Variants in DEF8 observed in about 807,000 individuals in gnomAD.
DEF8 encodes differentially expressed in FDCP 8 homolog.
A neutral mutation model predicts 59.1 loss-of-function variants in DEF8; 38 were observed. The observed-to-expected ratio is 0.64, with a 90% CI of 0.50 to 0.84. DEF8 has a LOEUF of 0.84. DEF8 is among the 40% of genes least tolerant of loss of function. DEF8 has a pLI of 0.00. For missense variants in DEF8, 557 were observed against 615.2 expected, an observed-to-expected ratio of 0.91 and a Z score of 1.00; for synonymous variants, 265 against 250.1, an observed-to-expected ratio of 1.06 and a Z score of -0.56.
At chr16:89,949,761 G>A in intron 2 of DEF8, 1 of 950,510 alleles carries the variant, frequency 1.1e-6, no homozygotes, top group Non-Finnish European at 1.5e-6. Flanking sequence ...GAGAGCAGTG[G>A]GCTCTAGAGG....
At chr16:89,962,972 C>T (rs541600093) in intron 9 of DEF8, among the ~76,000 whole-genome samples, 7 of 152,360 alleles carry the variant, frequency 4.6e-5, no homozygotes, top group African/African-American at 1.4e-4. Context: ...TGGCGTCTCA[C>T]GCCAGGTAGT....
rs780782184 is a variant in DEF8 at position 89,949,439 on chromosome 16, G to A, written c.-85G>A. On this transcript the variant is annotated 5_prime_UTR_variant, in exon 2 of 13. Coordinates refer to ENST00000563594, the MANE Select transcript of DEF8 (RefSeq NM_001242818.2). The stretch of plus-strand genomic sequence containing the variant: ...CAGCAGGTGCCGAACCCACGGCCAG[G>A]CTTCCGTGGCCAGCAGCCCTAGAGG... 6 of 1,608,300 alleles carry A rather than the reference G, an allele frequency of 3.7e-6. No individual in the cohort carries two copies. The highest frequency in any genetic ancestry group is 2.2e-5 in the East Asian group (1 of 44,796).
At chr16:89,955,522 GT>G (rs1335861391) in intron 4 of DEF8, among the ~76,000 whole-genome samples, 1 of 152,188 alleles carries the variant, frequency 6.6e-6, no homozygotes, top group Non-Finnish European at 1.5e-5. Context: ...TGGGATTGGG[GT>G]TCATGAACCT....
intron 2 of DEF8, chr16:89,950,231 A>G (rs2031754871): frequency 3.0e-6 from 3 of 985,944 alleles, no homozygotes; most frequent in Non-Finnish European, 3.6e-6. Context: ...GCTGGTCACC[A>G]TATGTGATGA....
chr16:89,954,348 G>A lies in DEF8; in HGVS notation c.96G>A (p.Gly32=). Residue 32 remains glycine (G), a synonymous_variant, in exon 3 of 13, where the codon GGG becomes GGA. Coordinates refer to ENST00000563594, the MANE Select transcript of DEF8 (RefSeq NM_001242818.2). This position sits in a 1 kb window ranked among gnomAD's most constrained non-coding sequence, Gnocchi z 4.3. ...SGPRQHEQGP[G]EEVPDVTPEE... ...CGAGACAGCATGAGCAGGGCCCTGG[G>A]GAGGAGGTCCCGGACGTCACTCCTG... 1.9e-6 allele frequency: 3 copies of A among 1,613,880 alleles called. No individual in the cohort carries two copies. The highest frequency in any genetic ancestry group is 2.5e-6 in the Non-Finnish European group (3 of 1,179,956).
At position 89,955,222 on chromosome 16, in the gene DEF8, G is replaced by T; in HGVS notation, c.178G>T (p.Val60Leu). 1 of 1,613,838 alleles carries T rather than the reference G, an allele frequency of 6.2e-7. No individual in the cohort carries two copies. The highest frequency in any genetic ancestry group is 8.5e-7 in the Non-Finnish European group (1 of 1,179,978). ...GEPEFRCPER[V>L]MDLGLSEDHF... ...GCCGGAATTCCGCTGCCCTGAACGC[G>T]TGATGGATCTCGGCCTGTCTGAGGA... is the stretch of plus-strand genomic sequence containing the variant. Residue 60 changes from valine (V) to leucine (L), a missense_variant, in exon 4 of 13, where the codon GTG (valine) becomes TTG (leucine). By Grantham distance (32) the Val-to-Leu change is conservative (BLOSUM62 1). Transcript: ENST00000563594.
chr16:89,960,095 G>A (rs947528785), intron 6 of DEF8, among the ~76,000 whole-genome samples: 7 of 152,110 alleles, frequency 4.6e-5, no homozygotes, highest in Admixed American at 6.5e-5. Context: ...GAGCCAGGTG[G>A]GGCTGCAGTT....
intron 2 of DEF8, among the ~76,000 whole-genome samples, chr16:89,953,539 T>C (rs1263608177): frequency 6.6e-6 from 1 of 152,122 alleles, no homozygotes; most frequent in Non-Finnish European, 1.5e-5. Context: ...CTGGTTCAGG[T>C]CGTGTTGCTC....
rs2033448277 is a variant in DEF8, at chr16:89,957,733, C to T, written c.372+73C>T. On this transcript the variant is annotated intron_variant, in intron 5 of 12. Coordinates refer to ENST00000563594, the MANE Select transcript of DEF8 (RefSeq NM_001242818.2). The stretch of plus-strand genomic sequence containing the variant: ...GAACTGTGGAACTAGGAGGACCCTG[C>T]CAGCCTCTGGCTCTCTCTCAGGCGG... 8 of 1,445,078 alleles carry T rather than the reference C, an allele frequency of 5.5e-6. No homozygotes were observed. In the South Asian group the frequency reaches 8.6e-5, roughly 16 times the overall value. 89.5% of individuals were successfully genotyped at this position (1,445,078 alleles called of 1,614,324 possible).
chr16:89,958,245 G>A (rs2033531829), intron 5 of DEF8: 1 of 152,464 alleles, frequency 6.6e-6, no homozygotes, highest in Admixed American at 6.6e-5. Flanking sequence ...TGGGCTGTGT[G>A]CCCGCCCACT....
intron 8 of DEF8, 63 bp from the exon 9 acceptor site, chr16:89,961,949 G>C (rs970547426): frequency 1.2e-6 from 2 of 1,606,828 alleles, no homozygotes; most frequent in Admixed American, 1.7e-5. Context: ...CCCCTGGTTG[G>C]GTGTTGCCCG....
intron 1 of DEF8, among the ~76,000 whole-genome samples, chr16:89,949,061 G>A (rs1434833839): frequency 1.4e-5 from 1 of 71,800 alleles, no homozygotes; most frequent in Non-Finnish European, 2.7e-5. Flanking sequence ...GGGGCTGGGA[G>A]GGACGGGGCC....
chr16:89,961,834 T>C lies in DEF8; in HGVS notation c.777T>C (p.Val259=), dbSNP rs200125008. ...WNDLAVIPAR[V]VHNWDFEPRK... ...ACCTGGCTGTGATCCCTGCACGCGT[T>C]GTACACAACTGGGACTTTGAGCCTC... Residue 259 remains valine, a synonymous_variant, in exon 8 of 13, where the codon GTT becomes GTC. Transcript: ENST00000563594. 3.9e-5 allele frequency: 62 copies of C among 1,609,044 alleles called. 3 individuals carry two copies. In the Middle Eastern group the frequency reaches 5.0e-4, roughly 13 times the overall value.
At chr16:89,959,691 G>A (rs2033766085) in intron 6 of DEF8, among the ~76,000 whole-genome samples, 1 of 152,188 alleles carries the variant, frequency 6.6e-6, no homozygotes, top group Non-Finnish European at 1.5e-5. Context: ...TAGAGACGGG[G>A]TTTCACCGTG....
intron 10 of DEF8, 71 bp downstream of exon 10, chr16:89,963,514 T>C: frequency 7.3e-7 from 1 of 1,372,628 alleles, no homozygotes; most frequent in South Asian, 1.2e-5. Context: ...CAGGCTCAGG[T>C]TTTTTCCGGA....
chr16:89,961,903 A>T, intron 8 of DEF8, 39 bp downstream of exon 8: 1 of 1,595,362 alleles, frequency 6.3e-7, no homozygotes, highest in South Asian at 1.1e-5. Context: ...CTGGGGAGGG[A>T]GAGCAGGAAG....
In DEF8 at chr16:89,967,625, G is replaced by T; in HGVS notation, c.*1662G>T. On this transcript the variant is annotated 3_prime_UTR_variant, in exon 13 of 13. Coordinates refer to ENST00000563594, the MANE Select transcript of DEF8 (RefSeq NM_001242818.2). ...TTTCCCCTTCCTCTTTGGGGCTGAG[G>T]AGGAGGTTAAAGGCCAAATGCTGTT... is the stretch of plus-strand genomic sequence containing the variant. The T allele has an allele frequency of 2.5e-6, 1 of 397,362 alleles. No individual in the cohort carries two copies. Among genetic ancestry groups the T allele is most frequent in the Non-Finnish European group, 4.4e-6 (1 of 225,822 alleles). 24.6% of individuals were successfully genotyped at this position (397,362 alleles called of 1,614,324 possible).
At chr16:89,965,740 C>T in intron 12 of DEF8, 121 bp from the exon 13 acceptor site, 1 of 636,964 alleles carries the variant, frequency 1.6e-6, no homozygotes. Context: ...TGGCTGCAGA[C>T]TCCGACTCTG....
chr16:89,957,430 G>C lies in DEF8; in HGVS notation c.223-81G>C, dbSNP rs893549212. The C allele has an allele frequency of 2.3e-5, 34 of 1,452,356 alleles. No individual in the cohort carries two copies. The African/African-American group carries it at 3.2e-4, about 14-fold the overall frequency. 90.0% of individuals were successfully genotyped at this position (1,452,356 alleles called of 1,614,324 possible). On this transcript the variant is annotated intron_variant, in intron 4 of 12. Transcript: ENST00000563594. ...GGTGAGGGGTGTCGGGGTCTGCTCT[G>C]GGCCTGTCTCGGCGGATGGGCCTTA...
Sources: allele counts gnomAD v4.1 joint callset (sites outside exome capture counted in the v4.1 genomes callset), GRCh38; gene constraint gnomAD v4.1.1; non-coding constraint Gnocchi (gnomAD v3.1); transcripts MANE v1.5; gene names NCBI Gene and HGNC (gene_info 2026-07-23, HGNC 2026-07-21).